The following TNRC18 variants were observed in gnomAD, a reference collection of about 807,000 sequenced individuals.
TNRC18 encodes the protein trinucleotide repeat-containing gene 18 protein.
Under a neutral mutation model 226.7 loss-of-function variants are expected in TNRC18, and 69 were observed. The observed-to-expected ratio is 0.30, with a 90% CI of 0.25 to 0.37. The LOEUF is 0.37. Among genes scored for constraint, TNRC18 ranks in the 10% least tolerant of loss-of-function variants. The probability of loss-of-function intolerance (pLI) is 1.00; values close to 1 mark genes in which losing one functional copy is unlikely to be tolerated. For synonymous variants in TNRC18, 2,449 were observed against 1,927.6 expected, an observed-to-expected ratio of 1.27 and a Z score of -7.09; for missense variants, 4,754 against 4,256.6, an observed-to-expected ratio of 1.12 and a Z score of -3.25.
In TNRC18 at chr7:5,374,362, C is replaced by T. The variant is rs1263313681; in HGVS notation, c.2922G>A (p.Lys974=). Residue 974 remains lysine, a synonymous_variant, in exon 10 of 30, where the codon AAG becomes AAA. Transcript: ENST00000430969. ...ATAGPGLLPR[K]PPGLAAGPAG... ...CGGGGCCGGCGGCCAGGCCAGGGGG[C>T]TTCCGCGGCAGCAGCCCGGGGCCGG... The T allele has an allele frequency of 6.8e-7, 1 of 1,464,928 alleles. No individual in the cohort carries two copies. The highest frequency in any genetic ancestry group is 2.8e-5 in the East Asian group (1 of 35,358). The allele number at this position is 1,464,928 out of a possible 1,614,324, so 90.7% of individuals were successfully genotyped here.
chr7:5,313,027 A>T lies in TNRC18; in HGVS notation c.7864T>A (p.Ser2622Thr). ...PASSSSSSSS[S>T]SSSSSSSSSS... ...GATGAGGAGGAGGAGGAGGAGGAGGAGGAGGATGAGGAGGAGGAGGAGGAG... is the reference window on the plus strand; with the variant it reads ...GATGAGGAGGAGGAGGAGGAGGAGGTGGAGGATGAGGAGGAGGAGGAGGAG... Residue 2622 changes from serine (S) to threonine (T), a missense_variant, in exon 27 of 30, where the codon TCC becomes ACC. Ser to Thr is a moderately conservative substitution (Grantham distance 58, BLOSUM62 1). Transcript: ENST00000430969. The T allele has an allele frequency of 1.2e-6, 1 of 868,498 alleles. No homozygotes were observed. The allele number at this position is 868,498 out of a possible 1,614,324, so 53.8% of individuals were successfully genotyped here.
chr7:5,374,851 G>A (rs985731479), intron 9 of TNRC18, among the ~76,000 whole-genome samples: 3 of 152,220 alleles, frequency 2.0e-5, no homozygotes, highest in Non-Finnish European at 2.9e-5. Flanking sequence ...GGCATTGGGC[G>A]CACTCACTAC....
chr7:5,381,045 C>T (rs1012684445), intron 5 of TNRC18, among the ~76,000 whole-genome samples: 1 of 152,096 alleles, frequency 6.6e-6, no homozygotes, highest in African/African-American at 2.4e-5. Context: ...TCCCGGCTGT[C>T]ACTGTGAATG....
chr7:5,346,353 A>C (rs953127398), intron 17 of TNRC18, among the ~76,000 whole-genome samples: 17 of 151,892 alleles, frequency 1.1e-4, no homozygotes, highest in African/African-American at 3.6e-4. Context: ...GGGCCAGGGG[A>C]CCCCCATGGT....
At position 5,361,679 on chromosome 7, in the gene TNRC18, G is replaced by A; in HGVS notation, c.4576C>T (p.Pro1526Ser). Residue 1526 changes from proline (P) to serine (S), a missense_variant, in exon 14 of 30, where the codon CCT becomes TCT. Coordinates refer to ENST00000430969, the MANE Select transcript of TNRC18 (RefSeq NM_001080495.3). ...TGGGTCCGTTTCCGCGGCCTGCCAG[G>A]GCCTCTGCGTGCCAAGCTTCTATGG... is the stretch of plus-strand genomic sequence containing the variant. ...EPHRSLARRGPGRPRKRTHAP... is the reference protein window; with the variant it reads ...EPHRSLARRGSGRPRKRTHAP... 1 of 1,565,632 alleles carries A rather than the reference G, an allele frequency of 6.4e-7. No individual in the cohort carries two copies. Among genetic ancestry groups the A allele is most frequent in the Non-Finnish European group, 8.7e-7 (1 of 1,155,966 alleles).
At position 5,307,922 on chromosome 7, in the gene TNRC18, A is replaced by G. The variant is rs1786717190; in HGVS notation, c.*184T>C. Reference sequence around the variant, plus strand: ...AAGGTGGGGCTGGAGGCATGTGCACATGCGTGCACACACGTGCATGCACAC... The same window carrying G: ...AAGGTGGGGCTGGAGGCATGTGCACGTGCGTGCACACACGTGCATGCACAC... On this transcript the variant is annotated 3_prime_UTR_variant, in exon 30 of 30. Transcript: ENST00000430969. 1.6e-6 allele frequency: 1 copy of G among 612,080 alleles called. No individual in the cohort carries two copies. Among genetic ancestry groups the G allele is most frequent in the Non-Finnish European group, 2.9e-6 (1 of 348,114 alleles). The allele number at this position is 612,080 out of a possible 1,614,324, so 37.9% of individuals were successfully genotyped here. A position where few individuals can be genotyped will look rare whatever the true frequency, so the allele number is the denominator to read the frequency against.
rs1446968410 is a variant in TNRC18, at chr7:5,313,670, T to C, written c.7221A>G (p.Pro2407=). ...SPAPPAFTSC[P]APEPFAELPA... The stretch of plus-strand genomic sequence containing the variant: ...GCAGCTCTGCAAATGGCTCGGGTGC[T>C]GGGCAGCTGGTGAAGGCGGGTGGTG... The change falls in exon 27 of 30, where the codon CCA becomes CCG. Residue 2407 remains proline (P), a synonymous_variant. Coordinates refer to ENST00000430969, the MANE Select transcript of TNRC18 (RefSeq NM_001080495.3). The C allele has an allele frequency of 1.9e-6, 3 of 1,605,788 alleles. No homozygotes were observed. The highest frequency in any genetic ancestry group is 2.7e-5 in the African/African-American group (2 of 74,762).
At chr7:5,346,530 C>T (rs1281302665) in intron 17 of TNRC18, among the ~76,000 whole-genome samples, 2 of 152,210 alleles carry the variant, frequency 1.3e-5, no homozygotes, top group Non-Finnish European at 2.9e-5. Context: ...TGACCCCAGC[C>T]GGGCACAGTG....
intron 20 of TNRC18, 68 bp downstream of exon 20, chr7:5,325,028 C>A: frequency 4.0e-6 from 6 of 1,512,762 alleles, no homozygotes; most frequent in South Asian, 1.2e-5. Flanking sequence ...AGGTGGAGCC[C>A]CCTGCCCTGA....
chr7:5,376,345 G>A, intron 8 of TNRC18, 121 bp from the exon 9 acceptor site: 2 of 926,414 alleles, frequency 2.2e-6, no homozygotes, highest in Non-Finnish European at 3.1e-6. Context: ...TGGGCTCTCT[G>A]CGGGCCCCCG....
Position 5,332,826 on chromosome 7 carries a change from G to A in TNRC18, c.5943C>T (p.Gly1981=). The A allele has an allele frequency of 6.6e-7, 1 of 1,508,852 alleles. No individual in the cohort carries two copies. Among genetic ancestry groups the A allele is most frequent in the Non-Finnish European group, 8.8e-7 (1 of 1,137,616 alleles). The allele number at this position is 1,508,852 out of a possible 1,614,324, so 93.5% of individuals were successfully genotyped here. A position where few individuals can be genotyped will look rare whatever the true frequency, so the allele number is the denominator to read the frequency against. ...CGCTGGCCTCGGGCCCCGCCTCGAA[G>A]CCAGGCTCCTTGGGGCCCCGCAGCT... ...ARKLRGPKEP[G]FEAGPEASDD... is the part of the protein sequence containing the mutation. Residue 1981 remains glycine (G), a synonymous_variant, in exon 19 of 30, where the codon GGC becomes GGT. Transcript: ENST00000430969.
chr7:5,325,051 G>T, intron 20 of TNRC18, 45 bp downstream of exon 20: 1 of 1,545,216 alleles, frequency 6.5e-7, no homozygotes, highest in Non-Finnish European at 8.7e-7. Flanking sequence ...ACAGGAGCAT[G>T]GCTGAGCCCC....
At chr7:5,368,898 C>A (rs958641359) in intron 11 of TNRC18, among the ~76,000 whole-genome samples, 6 of 152,098 alleles carry the variant, frequency 3.9e-5, no homozygotes, top group African/African-American at 1.2e-4. Flanking sequence ...CTGTGTCTGG[C>A]CCAGCATTCA....
At chr7:5,308,471 A>G (rs188523254) in intron 29 of TNRC18, among the ~76,000 whole-genome samples, 159 bp from the exon 30 acceptor site, 1 of 152,024 alleles carries the variant, frequency 6.6e-6, no homozygotes, top group Non-Finnish European at 1.5e-5. Context: ...AGACCAACAA[A>G]AGAGAGACAG....
At position 5,377,336 on chromosome 7, in the gene TNRC18, C is replaced by CCCCGG; in HGVS notation, c.2461+34_2461+35insCCGGG. 2 of 1,156,908 alleles carry CCCCGG rather than the reference C, an allele frequency of 1.7e-6. No homozygotes were observed. Among genetic ancestry groups the CCCCGG allele is most frequent in the Non-Finnish European group, 2.4e-6 (2 of 824,274 alleles). The allele number at this position is 1,156,908 out of a possible 1,614,324, so 71.7% of individuals were successfully genotyped here. A position where few individuals can be genotyped will look rare whatever the true frequency, so the allele number is the denominator to read the frequency against. On this transcript the variant is annotated intron_variant, in intron 7 of 29. Coordinates refer to ENST00000430969, the MANE Select transcript of TNRC18 (RefSeq NM_001080495.3). The surrounding 1 kb of genome is among the most constrained non-coding windows in gnomAD (Gnocchi z 5.8). ...CACCCGCCCCCTCCCACCCCTCCCT[C>CCCCGG]AGAGAAGGGGAGAGACCCTGTGCCC...
At chr7:5,386,089 C>G (rs200723594) in intron 5 of TNRC18, among the ~76,000 whole-genome samples, 1 of 151,004 alleles carries the variant, frequency 6.6e-6, no homozygotes, top group Non-Finnish European at 1.5e-5. Context: ...GAGTTTGAGA[C>G]GAGCCTGGCC....
At position 5,388,315 on chromosome 7, in the gene TNRC18, G is replaced by A. The variant is rs1370486013; in HGVS notation, c.1509C>T (p.Pro503=). 1 of 1,603,916 alleles carries A rather than the reference G, an allele frequency of 6.2e-7. No homozygotes were observed. The highest frequency in any genetic ancestry group is 1.3e-5 in the African/African-American group (1 of 74,326). ...LFGLEPGRPP[P]TGPEHKWKPF... ...GTTTCCATTTATGCTCAGGGCCGGT[G>A]GGCGGGGGGCGCCCGGGCTCCAGGC... The change falls in exon 5 of 30, where the codon CCC becomes CCT. Residue 503 remains proline (P), a synonymous_variant. Coordinates refer to ENST00000430969, the MANE Select transcript of TNRC18 (RefSeq NM_001080495.3).
chr7:5,382,553 G>T (rs192416182), intron 5 of TNRC18, among the ~76,000 whole-genome samples: 6 of 152,096 alleles, frequency 3.9e-5, no homozygotes, highest in Admixed American at 6.6e-5. Flanking sequence ...AGCGGATCGG[G>T]GGGGAGTGAC....
At chr7:5,363,993 G>A (rs978517505) in intron 11 of TNRC18, among the ~76,000 whole-genome samples, 1 of 151,968 alleles carries the variant, frequency 6.6e-6, no homozygotes, top group African/African-American at 2.4e-5. Flanking sequence ...ACATCCACGG[G>A]CATCCTTTAA....
Sources: gnomAD v4.1 joint callset for allele counts (sites outside exome capture counted in the v4.1 genomes callset) on GRCh38, gnomAD v4.1.1 for gene constraint, Gnocchi (gnomAD v3.1) non-coding constraint, MANE v1.5 for transcripts, NCBI Gene and HGNC (gene_info 2026-07-23, HGNC 2026-07-21) for gene names.